SDK1: variants seen among roughly 807,000 people sequenced by gnomAD.
SDK1 encodes the protein sidekick cell adhesion molecule 1.
Under a neutral mutation model 245.5 loss-of-function variants are expected in SDK1, and 157 were observed. The ratio of observed to expected loss-of-function variants is 0.64; its 90% CI spans 0.56 to 0.73. The LOEUF is 0.73. Among genes scored for constraint, SDK1 ranks in the 30% least tolerant of loss-of-function variants. SDK1 has a pLI of 0.00. For missense variants in SDK1, 3,583 were observed against 3,002.3 expected (o/e 1.19, Z -4.52); for synonymous variants, 1,647 against 1,278.5 (o/e 1.29, Z -6.15).
At chr7:4,076,397 A>T (rs1780680770) in intron 20 of SDK1, among the ~76,000 whole-genome samples, 1 of 152,126 alleles carries the variant, frequency 6.6e-6, no homozygotes, top group Admixed American at 6.5e-5. Context: ...CTCCAAAAAA[A>T]TACAAAAAAT....
rs761020499 is a variant in SDK1, at chr7:4,076,986, G to A, written c.3011-12G>A. On this transcript the variant is annotated splice_polypyrimidine_tract_variant and intron_variant, in intron 20 of 44. Coordinates refer to ENST00000404826, the MANE Select transcript of SDK1 (RefSeq NM_152744.4). ...AGGAGACCAACACTGGTCTGGTCCTGTTGCTTTCTAGGCTATCAGATCTCT... is the reference window on the plus strand; with the variant it reads ...AGGAGACCAACACTGGTCTGGTCCTATTGCTTTCTAGGCTATCAGATCTCT... The A allele has an allele frequency of 6.2e-7, 1 of 1,612,908 alleles. No individual in the cohort carries two copies. Among genetic ancestry groups the A allele is most frequent in the Non-Finnish European group, 8.5e-7 (1 of 1,179,702 alleles).
chr7:3,786,493 A>G (rs1757209023), intron 4 of SDK1, among the ~76,000 whole-genome samples: 1 of 152,354 alleles, frequency 6.6e-6, no homozygotes, highest in Non-Finnish European at 1.5e-5. Context: ...GAAACAAATA[A>G]TGAGAGAGAA....
intron 1 of SDK1, among the ~76,000 whole-genome samples, chr7:3,346,095 A>G (rs1346058874): frequency 1.3e-5 from 2 of 152,218 alleles, no homozygotes; most frequent in African/African-American, 4.8e-5. Flanking sequence ...CCACATTGCA[A>G]CTTGTGATAC....
intron 5 of SDK1, among the ~76,000 whole-genome samples, chr7:3,934,742 A>C (rs983920491): frequency 6.6e-6 from 1 of 152,192 alleles, no homozygotes; most frequent in Non-Finnish European, 1.5e-5. Flanking sequence ...CTCTTGTCCT[A>C]CTTTCCCCAG....
chr7:3,342,370 C>A (rs1052224664), intron 1 of SDK1, among the ~76,000 whole-genome samples: 1 of 152,098 alleles, frequency 6.6e-6, no homozygotes, highest in Non-Finnish European at 1.5e-5. Flanking sequence ...GGGTGGATCA[C>A]CTGAGGTCGG....
At chr7:3,605,644 A>G (rs1041084867) in intron 1 of SDK1, among the ~76,000 whole-genome samples, 1 of 152,174 alleles carries the variant, frequency 6.6e-6, no homozygotes, top group Non-Finnish European at 1.5e-5. Context: ...TTTCCAGAGT[A>G]ATTTTCACTA....
intron 4 of SDK1, among the ~76,000 whole-genome samples, chr7:3,744,072 C>T (rs572024212): frequency 6.6e-6 from 1 of 152,154 alleles, no homozygotes; most frequent in Non-Finnish European, 1.5e-5. Context: ...CACTTTATTT[C>T]AATAGCCTCC....
intron 5 of SDK1, among the ~76,000 whole-genome samples, chr7:3,946,363 A>G (rs1484325891): frequency 2.0e-5 from 3 of 152,006 alleles, no homozygotes; most frequent in East Asian, 1.9e-4. Flanking sequence ...TTATTTTTGT[A>G]GACATGGGGT....
rs190953160 is a variant in SDK1 at position 3,385,910 on chromosome 7, G to C, written c.298+84026G>C. Among the ~76,000 whole-genome samples, 632 of 152,012 alleles carry C rather than the reference G, an allele frequency of 4.2e-3. 8 individuals carry two copies. The highest frequency in any genetic ancestry group is 0.018 in the South Asian group (87 of 4,820). On this transcript the variant is annotated intron_variant, in intron 1 of 44. Coordinates refer to ENST00000404826, the MANE Select transcript of SDK1 (RefSeq NM_152744.4). Reference sequence around the variant, plus strand: ...TGTCAGATGTATAGGTTAGTTAGTAGTCATACTTCTGTAAAATTCTCTAGT... The same window carrying C: ...TGTCAGATGTATAGGTTAGTTAGTACTCATACTTCTGTAAAATTCTCTAGT...
At chr7:3,879,286 C>T (rs1409687733) in intron 5 of SDK1, among the ~76,000 whole-genome samples, 1 of 152,122 alleles carries the variant, frequency 6.6e-6, no homozygotes, top group Non-Finnish European at 1.5e-5. Flanking sequence ...TGCTTTGGTA[C>T]AAGTCAAAAA....
intron 9 of SDK1, among the ~76,000 whole-genome samples, chr7:3,964,285 G>A (rs943563621): frequency 3.9e-5 from 6 of 152,286 alleles, no homozygotes; most frequent in African/African-American, 7.2e-5. Context: ...CAGCACAGAC[G>A]GCTGTCACTC....
At chr7:4,255,535 T>G (rs1484982600) in intron 44 of SDK1, among the ~76,000 whole-genome samples, 1 of 152,158 alleles carries the variant, frequency 6.6e-6, no homozygotes. Context: ...GGCCCAGTAT[T>G]CTTGGCGTAC....
intron 4 of SDK1, among the ~76,000 whole-genome samples, chr7:3,789,566 A>G (rs774477084): frequency 2.0e-5 from 3 of 152,218 alleles, no homozygotes; most frequent in South Asian, 2.1e-4. Flanking sequence ...GGTCACGTGT[A>G]TATACTTTGG....
At chr7:3,705,337 A>G (rs1013496348) in intron 4 of SDK1, among the ~76,000 whole-genome samples, 2 of 151,402 alleles carry the variant, frequency 1.3e-5, no homozygotes. Context: ...ATGTGTTTCC[A>G]TTTATTTGTC....
At chr7:4,022,982 C>T (rs372412411) in intron 17 of SDK1, among the ~76,000 whole-genome samples, 3 of 151,926 alleles carry the variant, frequency 2.0e-5, no homozygotes, top group African/African-American at 7.3e-5. Flanking sequence ...CGCCGTGTTA[C>T]CCAGGATGGT....
intron 4 of SDK1, among the ~76,000 whole-genome samples, chr7:3,771,758 T>C (rs916991304): frequency 2.6e-5 from 4 of 152,180 alleles, no homozygotes; most frequent in African/African-American, 9.7e-5. Flanking sequence ...AAAATACAGA[T>C]AATCAAAAAT....
chr7:4,265,460 C>T lies in SDK1; in HGVS notation c.*76C>T. 5 of 1,383,766 alleles carry T rather than the reference C, an allele frequency of 3.6e-6. No homozygotes were observed. Among genetic ancestry groups the T allele is most frequent in the Non-Finnish European group, 3.7e-6 (4 of 1,076,744 alleles). The allele number at this position is 1,383,766 out of a possible 1,614,324, so 85.7% of individuals were successfully genotyped here. A position where few individuals can be genotyped will look rare whatever the true frequency, so the allele number is the denominator to read the frequency against. On this transcript the variant is annotated 3_prime_UTR_variant, in exon 45 of 45. Transcript: ENST00000404826. ...CTATTTTTGTTAAGACAATCAACTC[C>T]AATAACTGAGCTGAAGTTTTTGTTT...
chr7:3,971,342 A>AT, intron 11 of SDK1, 124 bp from the exon 12 acceptor site: 1 of 687,210 alleles, frequency 1.5e-6, no homozygotes, highest in South Asian at 1.7e-5. Flanking sequence ...ATTTACACTC[A>AT]TTCTGCCAAG....
chr7:3,826,840 A>G (rs1779787973), intron 5 of SDK1, among the ~76,000 whole-genome samples: 1 of 152,152 alleles, frequency 6.6e-6, no homozygotes, highest in East Asian at 1.9e-4. Flanking sequence ...TTAAAATACT[A>G]GGTCTAATAT....
Sources: allele counts gnomAD v4.1 joint callset (sites outside exome capture counted in the v4.1 genomes callset), GRCh38; gene constraint gnomAD v4.1.1; transcripts MANE v1.5; gene names NCBI Gene and HGNC (gene_info 2026-07-23, HGNC 2026-07-21).